KIAA1217: variants seen among roughly 807,000 people sequenced by gnomAD.
KIAA1217 encodes KIAA1217, also known as sickle tail protein homolog.
A neutral mutation model predicts 163.9 loss-of-function variants in KIAA1217; 88 were observed. The observed-to-expected ratio is 0.54, with a 90% CI of 0.45 to 0.64. The LOEUF is 0.64. Ranked by LOEUF, KIAA1217 falls within the 30% of genes least tolerant of loss-of-function variation. KIAA1217 has a pLI of 0.00. For missense variants in KIAA1217, 2,372 were observed against 2,475.0 expected, an observed-to-expected ratio of 0.96 and a Z score of 0.88; for synonymous variants, 903 against 923.1, an observed-to-expected ratio of 0.98 and a Z score of 0.39.
chr10:23,937,610 T>C (rs1042210122), intron 1 of KIAA1217, among the ~76,000 whole-genome samples: 1 of 152,178 alleles, frequency 6.6e-6, no homozygotes, highest in Admixed American at 6.5e-5. Context: ...AAAAGGTGGC[T>C]GAGAAGAGGC....
At chr10:24,313,496 T>C (rs2042966772) in intron 2 of KIAA1217, among the ~76,000 whole-genome samples, 1 of 152,094 alleles carries the variant, frequency 6.6e-6, no homozygotes, top group African/African-American at 2.4e-5. Context: ...ACTGCGGAAA[T>C]ATTAATGGGC....
At chr10:23,841,063 T>G (rs187461841) in intron 1 of KIAA1217, among the ~76,000 whole-genome samples, 1 of 152,302 alleles carries the variant, frequency 6.6e-6, no homozygotes, top group Non-Finnish European at 1.5e-5. Context: ...CTCCATAAAG[T>G]TGATATGAAT....
At chr10:23,878,316 A>G (rs1299071229) in intron 1 of KIAA1217, among the ~76,000 whole-genome samples, 1 of 151,970 alleles carries the variant, frequency 6.6e-6, no homozygotes, top group Non-Finnish European at 1.5e-5. Flanking sequence ...GCATTCTGAC[A>G]GTAGTTTGGG....
chr10:24,414,975 G>A (rs922316308), intron 3 of KIAA1217, among the ~76,000 whole-genome samples: 5 of 152,156 alleles, frequency 3.3e-5, no homozygotes, highest in Admixed American at 1.3e-4. Context: ...AGGGCGGATT[G>A]GAAAGCTAGG....
At chr10:24,544,939 C>T (rs371847640) in intron 19 of KIAA1217, 42 bp from the exon 20 acceptor site, 118 of 1,602,450 alleles carry the variant, frequency 7.4e-5, no homozygotes, top group African/African-American at 9.4e-5. Context: ...CCTACTCATG[C>T]GCTTCTCCTT....
At chr10:23,708,747 G>C (rs1275841238) in intron 1 of KIAA1217, among the ~76,000 whole-genome samples, 1 of 152,188 alleles carries the variant, frequency 6.6e-6, no homozygotes. Context: ...AGGATGGTAT[G>C]AGGCGTTTTA....
At position 24,193,837 on chromosome 10, in the gene KIAA1217, CACACACACAA is replaced by C. The variant is rs1232434940; in HGVS notation, c.-170-25787_-170-25778del. Among the ~76,000 whole-genome samples, 184 of 149,794 alleles carry C rather than the reference CACACACACAA, an allele frequency of 1.2e-3. 1 individual carries two copies. The highest frequency in any genetic ancestry group is 4.5e-3 in the African/African-American group (180 of 40,384). ...ACACACACACACACACACACACACA[CACACACACAA>C]AGCAGTCACGTGCATGTTCATGTAC... On this transcript the variant is annotated intron_variant, in intron 2 of 18. Transcript: ENST00000376462.
intron 1 of KIAA1217, among the ~76,000 whole-genome samples, chr10:23,993,263 C>G (rs933252924): frequency 2.6e-5 from 4 of 151,930 alleles, no homozygotes; most frequent in African/African-American, 9.7e-5. Flanking sequence ...AACTCCTGAC[C>G]TCAAGTGATC....
chr10:24,325,218 A>G (rs1433033402), intron 2 of KIAA1217, among the ~76,000 whole-genome samples: 4 of 152,134 alleles, frequency 2.6e-5, no homozygotes, highest in African/African-American at 9.7e-5. Context: ...AAGTTCTTTG[A>G]CAGTAGTGGT....
At chr10:24,140,608 T>C (rs1440770051) in intron 2 of KIAA1217, among the ~76,000 whole-genome samples, 2 of 152,154 alleles carry the variant, frequency 1.3e-5, no homozygotes, top group East Asian at 1.9e-4. Context: ...AGCAGGACTG[T>C]ATGAGATTTC....
At chr10:24,224,013 T>G (rs1358090919) in intron 2 of KIAA1217, among the ~76,000 whole-genome samples, 2 of 152,192 alleles carry the variant, frequency 1.3e-5, no homozygotes, top group Non-Finnish European at 2.9e-5. Context: ...AACTTCTGTT[T>G]GTCTTTAAAA....
rs75347214 is a variant in KIAA1217, at chr10:23,978,943, A to G, written c.-320-28282A>G. On this transcript the variant is annotated intron_variant, in intron 1 of 18. Coordinates refer to the KIAA1217 transcript ENST00000376462. ...ATGGAAAGAAGAGTAGTCTGAATGT[A>G]TTTTCTTTGAATTATTCCTACTTGC... Among the ~76,000 whole-genome samples the G allele has an allele frequency of 1.1e-4, 16 of 152,090 alleles. No individual in the cohort carries two copies. In the East Asian group the frequency reaches 2.1e-3, roughly 20 times the overall value.
intron 1 of KIAA1217, among the ~76,000 whole-genome samples, chr10:23,799,681 T>C (rs1836378531): frequency 6.6e-6 from 1 of 152,188 alleles, no homozygotes. Flanking sequence ...CTATAATTTG[T>C]ATTGGACCTA....
At chr10:24,237,333 A>G (rs2072426463) in intron 2 of KIAA1217, among the ~76,000 whole-genome samples, 1 of 152,186 alleles carries the variant, frequency 6.6e-6, no homozygotes. Flanking sequence ...TGATCATAAT[A>G]ATGTCAATGC....
chr10:24,266,981 G>A (rs970455587), intron 2 of KIAA1217, among the ~76,000 whole-genome samples: 9 of 152,120 alleles, frequency 5.9e-5, no homozygotes, highest in Non-Finnish European at 1.2e-4. Flanking sequence ...GCGAGACCAC[G>A]AACCCACCAG....
intron 1 of KIAA1217, among the ~76,000 whole-genome samples, chr10:23,925,327 C>T (rs939932827): frequency 6.6e-6 from 1 of 152,116 alleles, no homozygotes; most frequent in Admixed American, 6.5e-5. Context: ...AGTGCCAGGC[C>T]CTGGGTTAGG....
chr10:24,244,466 C>G (rs1013989370), intron 2 of KIAA1217, among the ~76,000 whole-genome samples: 5 of 151,966 alleles, frequency 3.3e-5, no homozygotes, highest in African/African-American at 9.7e-5. Context: ...TGCTTTTTCT[C>G]TTCAGATGTC....
At chr10:24,332,437 T>C (rs2045802876) in intron 2 of KIAA1217, among the ~76,000 whole-genome samples, 1 of 152,014 alleles carries the variant, frequency 6.6e-6, no homozygotes, top group African/African-American at 2.4e-5. Flanking sequence ...TGGAAGAAAA[T>C]TTGGGATGGG....
chr10:24,149,435 C>T (rs1190733618), intron 2 of KIAA1217, among the ~76,000 whole-genome samples: 5 of 152,006 alleles, frequency 3.3e-5, no homozygotes, highest in African/African-American at 7.3e-5. Flanking sequence ...CTGCCCACCT[C>T]AGCCTCCCAA....
Sources: gnomAD v4.1 joint callset for allele counts (sites outside exome capture counted in the v4.1 genomes callset) on GRCh38, gnomAD v4.1.1 for gene constraint, MANE v1.5 for transcripts, NCBI Gene and HGNC (gene_info 2026-07-23, HGNC 2026-07-21) for gene names.